The following PCSK5 variants were observed in gnomAD, a reference collection of about 807,000 sequenced individuals.
The protein encoded by PCSK5 is prohormone convertase 5.
A neutral mutation model predicts 233.2 loss-of-function variants in PCSK5; 129 were observed. The observed-to-expected ratio is 0.55, with a 90% CI of 0.48 to 0.64. The LOEUF is 0.64. PCSK5 is among the 30% of genes least tolerant of loss of function. The pLI, the probability that PCSK5 is intolerant of heterozygous loss-of-function variation, is 0.00. For missense variants in PCSK5, 2,076 were observed against 2,430.1 expected, an observed-to-expected ratio of 0.85 and a Z score of 3.06; for synonymous variants, 825 against 879.2, an observed-to-expected ratio of 0.94 and a Z score of 1.09.
At position 76,084,382 on chromosome 9, in the gene PCSK5, A is replaced by G. The variant is rs111387431; in HGVS notation, c.895-11508A>G. ...GTGCAAATTTCAAATTTTTATTATC[A>G]TCTTGTTTTCAGTTTTAGTTTAGAG... On this transcript the variant is annotated intron_variant, in intron 7 of 37. Coordinates refer to ENST00000674117, the MANE Select transcript of PCSK5 (RefSeq NM_001372043.1). Among the ~76,000 whole-genome samples, 621 of 152,312 alleles carry G rather than the reference A, an allele frequency of 4.1e-3. 5 individuals carry two copies. Among genetic ancestry groups the G allele is most frequent in the South Asian group, 0.024 (117 of 4,828 alleles).
chr9:75,987,923 C>A (rs932393460), intron 3 of PCSK5, among the ~76,000 whole-genome samples: 2 of 152,200 alleles, frequency 1.3e-5, no homozygotes, highest in African/African-American at 4.8e-5. Context: ...AAATTGCTGT[C>A]TATGCATGAT....
At chr9:76,227,717 C>A in intron 21 of PCSK5, 112 bp downstream of exon 21, 1 of 692,522 alleles carries the variant, frequency 1.4e-6, no homozygotes, top group Non-Finnish European at 2.5e-6. Context: ...GAAAAAGAAG[C>A]AAACTCTTTC....
intron 5 of PCSK5, among the ~76,000 whole-genome samples, chr9:76,032,113 A>G (rs1012063522): frequency 6.6e-6 from 1 of 152,144 alleles, no homozygotes; most frequent in African/African-American, 2.4e-5. Context: ...AATTTGATAT[A>G]AAATAGTGAA....
chr9:76,196,189 C>T (rs1411957), intron 20 of PCSK5, among the ~76,000 whole-genome samples: 135,103 of 152,296 alleles, frequency 0.89, 60,172 homozygotes, highest in East Asian at 1. Context: ...ATTGTACAGA[C>T]GCTGGACCCC....
chr9:75,957,562 C>T (rs1039952618), intron 2 of PCSK5, among the ~76,000 whole-genome samples: 1 of 152,126 alleles, frequency 6.6e-6, no homozygotes, highest in Non-Finnish European at 1.5e-5. Context: ...ATTTTGGCTA[C>T]CATCTGTGGA....
chr9:76,068,566 A>G (rs954553228), intron 6 of PCSK5, among the ~76,000 whole-genome samples: 34 of 152,194 alleles, frequency 2.2e-4, no homozygotes, highest in African/African-American at 8.2e-4. Flanking sequence ...TACTATTTCC[A>G]TGAATGATTC....
intron 2 of PCSK5, among the ~76,000 whole-genome samples, chr9:75,938,196 G>A (rs150239339): frequency 3.9e-5 from 6 of 152,186 alleles, no homozygotes; most frequent in African/African-American, 9.6e-5. Flanking sequence ...AAGTGAGACC[G>A]GAGTGACTCT....
intron 2 of PCSK5, among the ~76,000 whole-genome samples, chr9:75,970,774 G>A (rs1412608185): frequency 6.6e-6 from 1 of 151,854 alleles, no homozygotes; most frequent in African/African-American, 2.4e-5. Flanking sequence ...GGCGCACACT[G>A]CCACGCCTGG....
chr9:76,346,667 T>C (rs1192703784), intron 35 of PCSK5, among the ~76,000 whole-genome samples: 2 of 152,134 alleles, frequency 1.3e-5, no homozygotes, highest in African/African-American at 4.8e-5. Flanking sequence ...GTTAGGAAAA[T>C]GTTGTGCTAT....
At chr9:76,141,327 A>G (rs1823215982) in intron 10 of PCSK5, among the ~76,000 whole-genome samples, 1 of 152,094 alleles carries the variant, frequency 6.6e-6, no homozygotes, top group South Asian at 2.1e-4. Context: ...TTCTTATTTG[A>G]GGTTTTGTAT....
Position 75,971,775 on chromosome 9 carries a change from GTT to G in PCSK5, c.298-14347_298-14346del, listed in dbSNP as rs143114049. ...ATGTCCTTTGCCCACTTTTTAATAG[GTT>G]TTTTTTTTTCTTGTAAATTTAAGTT... On this transcript the variant is annotated intron_variant, in intron 2 of 37. Coordinates refer to ENST00000674117, the MANE Select transcript of PCSK5 (RefSeq NM_001372043.1). 5.4e-5 allele frequency among the ~76,000 whole-genome samples: 8 copies of G among 148,536 alleles called. No homozygotes were observed. In the South Asian group the frequency reaches 6.4e-4, roughly 12 times the overall value.
intron 3 of PCSK5, among the ~76,000 whole-genome samples, chr9:76,010,073 C>G (rs1172633034): frequency 6.6e-6 from 1 of 152,094 alleles, no homozygotes; most frequent in Non-Finnish European, 1.5e-5. Context: ...GGAGAGAAAG[C>G]CTTTTGTGAT....
chr9:76,207,699 C>G (rs78462722), intron 20 of PCSK5, among the ~76,000 whole-genome samples: 1 of 152,044 alleles, frequency 6.6e-6, no homozygotes, highest in Non-Finnish European at 1.5e-5. Flanking sequence ...TATGCTCTAC[C>G]GAATGGGTTG....
At chr9:76,008,793 A>T (rs1220550503) in intron 3 of PCSK5, among the ~76,000 whole-genome samples, 1 of 152,232 alleles carries the variant, frequency 6.6e-6, no homozygotes, top group African/African-American at 2.4e-5. Flanking sequence ...AGAAAGAAAG[A>T]TGCAGTTAAT....
chr9:75,894,079 G>A lies in PCSK5; in HGVS notation c.192+2706G>A, dbSNP rs539662971. Among the ~76,000 whole-genome samples, 12 of 152,264 alleles carry A rather than the reference G, an allele frequency of 7.9e-5. No homozygotes were observed. In the South Asian group the frequency reaches 1.0e-3, roughly 13 times the overall value. ...AGGGCAGTAACTAATTTGCAGATGC[G>A]TCTGGAATGTTCTGTTTTTTACCCA... is the stretch of plus-strand genomic sequence containing the variant. On this transcript the variant is annotated intron_variant, in intron 1 of 37. Transcript: ENST00000674117.
At chr9:76,110,798 C>A (rs1832180408) in intron 9 of PCSK5, among the ~76,000 whole-genome samples, 1 of 152,170 alleles carries the variant, frequency 6.6e-6, no homozygotes. Flanking sequence ...CCAAACATAA[C>A]AAGTTTGATC....
At chr9:75,913,861 A>T (rs932517607) in intron 1 of PCSK5, among the ~76,000 whole-genome samples, 1 of 152,144 alleles carries the variant, frequency 6.6e-6, no homozygotes, top group Non-Finnish European at 1.5e-5. Flanking sequence ...TGTATTATTA[A>T]AAAAAGGAAT....
intron 2 of PCSK5, among the ~76,000 whole-genome samples, chr9:75,935,281 A>G (rs1416784825): frequency 6.6e-6 from 1 of 151,986 alleles, no homozygotes; most frequent in Non-Finnish European, 1.5e-5. Flanking sequence ...GTTAGCCAGG[A>G]CGGTCTTGAT....
intron 33 of PCSK5, among the ~76,000 whole-genome samples, chr9:76,328,718 C>G (rs989018161): frequency 6.6e-6 from 1 of 152,188 alleles, no homozygotes; most frequent in Non-Finnish European, 1.5e-5. Context: ...TCATACAATA[C>G]TTTAATATAC....
Sources: allele counts gnomAD v4.1 joint callset (sites outside exome capture counted in the v4.1 genomes callset), GRCh38; gene constraint gnomAD v4.1.1; transcripts MANE v1.5; gene names NCBI Gene and HGNC (gene_info 2026-07-23, HGNC 2026-07-21).